The following SPATA6 variants were observed in gnomAD, a reference collection of about 807,000 sequenced individuals.
SPATA6 encodes spermatogenesis-associated protein 6.
SPATA6 carries 56 observed loss-of-function variants against 65.3 expected under a neutral mutation model. The observed-to-expected ratio is 0.86, with a 90% CI of 0.69 to 1.07. The LOEUF is 1.07. SPATA6 is among the 50% of genes least tolerant of loss of function. The probability of loss-of-function intolerance (pLI) is 0.00; values close to 1 mark genes in which losing one functional copy is unlikely to be tolerated. For synonymous variants in SPATA6, 199 were observed against 213.2 expected (o/e 0.93, Z 0.58); for missense variants, 590 against 594.8 (o/e 0.99, Z 0.08).
At chr1:48,262,703 G>A in the SPATA6 span, 4 of 152,070 alleles carry the variant, frequency 2.6e-5, no homozygotes, top group African/African-American at 4.8e-5. Context: ...CTTTAAAAAT[G>A]CAAGAATATT....
chr1:48,379,932 TCAC>T (rs775261716), intron 9 of SPATA6, among the ~76,000 whole-genome samples: 15 of 152,154 alleles, frequency 9.9e-5, no homozygotes, highest in Admixed American at 2.0e-4. Flanking sequence ...AAAATAAAAC[TCAC>T]CACAACAAAT....
intron 6 of SPATA6, among the ~76,000 whole-genome samples, chr1:48,401,392 A>G (rs1389438070): frequency 1.3e-5 from 2 of 152,136 alleles, no homozygotes; most frequent in Non-Finnish European, 2.9e-5. Context: ...ACTATCTACT[A>G]CAAATGCATG....
At chr1:48,363,951 C>A (rs954326693) in intron 9 of SPATA6, among the ~76,000 whole-genome samples, 2 of 152,096 alleles carry the variant, frequency 1.3e-5, no homozygotes, top group African/African-American at 4.8e-5. Context: ...TCCCTCCCCC[C>A]TTCCCCCACC....
In SPATA6 at chr1:48,298,769, T is replaced by C. The variant is rs374515413; in HGVS notation, c.1411A>G (p.Arg471Gly). 33 of 1,613,944 alleles carry C rather than the reference T, an allele frequency of 2.0e-5. No homozygotes were observed. The highest frequency in any genetic ancestry group is 4.5e-5 in the East Asian group (2 of 44,866). The change falls in exon 13 of 13, where the codon AGG becomes GGG. Residue 471 changes from arginine to glycine, a missense_variant. By Grantham distance (125) the Arg-to-Gly change is moderately radical. Transcript: ENST00000371847. The stretch of plus-strand genomic sequence containing the variant: ...CTACAGGCCTTTTTGTATAAGTTCC[T>C]GTACATCTTGTCCATGCTGTTCTCA... ...IFENSMDKMY[R>G]NLYKKACSSA... is the part of the protein sequence containing the mutation.
intron 11 of SPATA6, among the ~76,000 whole-genome samples, chr1:48,315,331 A>AG (rs1171331272): frequency 2.0e-5 from 3 of 152,038 alleles, no homozygotes; most frequent in Non-Finnish European, 4.4e-5. Flanking sequence ...CACATCAAAA[A>AG]CTTATCCATC....
intron 10 of SPATA6, among the ~76,000 whole-genome samples, chr1:48,357,112 T>C (rs1222541741): frequency 2.0e-5 from 3 of 152,178 alleles, no homozygotes; most frequent in African/African-American, 4.8e-5. Flanking sequence ...GAATGCTTGC[T>C]TGCCAGTCTA....
chr1:48,353,550 C>T (rs1318045588), intron 11 of SPATA6, among the ~76,000 whole-genome samples: 1 of 151,314 alleles, frequency 6.6e-6, no homozygotes, highest in African/African-American at 2.4e-5. Context: ...GCTGCTGTAG[C>T]TATACTAATA....
chr1:48,349,447 G>A (rs1044163276), intron 11 of SPATA6, among the ~76,000 whole-genome samples: 1 of 151,832 alleles, frequency 6.6e-6, no homozygotes, highest in Non-Finnish European at 1.5e-5. Flanking sequence ...TTTTAATATT[G>A]TCATATTCAT....
rs1376755533 is a variant in SPATA6 at position 48,333,792 on chromosome 1, C to CA, written c.1194+21877dup. On this transcript the variant is annotated intron_variant, in intron 11 of 12. Coordinates refer to ENST00000371847, the MANE Select transcript of SPATA6 (RefSeq NM_019073.4). ...GCAGAAAACAAAGAATAACCGAAAT[C>CA]AGAGCTGAACTGATGGAAACAGAGA... 4.6e-5 allele frequency among the ~76,000 whole-genome samples: 7 copies of CA among 152,072 alleles called. No homozygotes were observed. In the South Asian group the frequency reaches 1.2e-3, roughly 27 times the overall value.
At chr1:48,319,274 T>C (rs1645530407) in intron 11 of SPATA6, among the ~76,000 whole-genome samples, 1 of 152,126 alleles carries the variant, frequency 6.6e-6, no homozygotes, top group African/African-American at 2.4e-5. Flanking sequence ...TTCATCAAAA[T>C]TTTAAAAACT....
chr1:48,416,734 C>T (rs763357018), intron 3 of SPATA6, among the ~76,000 whole-genome samples: 5 of 152,048 alleles, frequency 3.3e-5, no homozygotes, highest in African/African-American at 4.8e-5. Context: ...AAACGACAGG[C>T]AATCTATTTC....
intron 9 of SPATA6, among the ~76,000 whole-genome samples, chr1:48,371,340 A>G (rs1647267887): frequency 6.6e-6 from 1 of 152,078 alleles, no homozygotes. Flanking sequence ...ATTTCAAGGG[A>G]ACTTCCTTAA....
the SPATA6 span, among the ~76,000 whole-genome samples, chr1:48,276,375 G>A: frequency 6.6e-6 from 1 of 151,868 alleles, no homozygotes; most frequent in African/African-American, 2.4e-5. Flanking sequence ...TCTTCTGCTA[G>A]CTTTTGAATT....
chr1:48,437,858 T>G (rs1218361979), intron 3 of SPATA6, among the ~76,000 whole-genome samples: 1 of 150,358 alleles, frequency 6.7e-6, no homozygotes, highest in Non-Finnish European at 1.5e-5. Flanking sequence ...CTTAAATTCA[T>G]GCACCCCGTG....
intron 8 of SPATA6, among the ~76,000 whole-genome samples, chr1:48,393,963 C>A (rs1472295671): frequency 2.0e-5 from 3 of 152,036 alleles, no homozygotes; most frequent in Admixed American, 6.6e-5. Context: ...GGGGCTAGGG[C>A]TTCAACATAT....
chr1:48,325,370 C>T (rs1645726133), intron 11 of SPATA6: 1 of 1,377,310 alleles, frequency 7.3e-7, no homozygotes, highest in South Asian at 1.2e-5. Context: ...TCTGCATGCG[C>T]CTTCTCCCTG....
intron 11 of SPATA6, among the ~76,000 whole-genome samples, chr1:48,315,883 T>C (rs1312710111): frequency 6.6e-6 from 1 of 152,056 alleles, no homozygotes; most frequent in African/African-American, 2.4e-5. Flanking sequence ...ACAAGGATTC[T>C]TATATACCAA....
At chr1:48,264,422 A>G in the SPATA6 span, among the ~76,000 whole-genome samples, 2 of 152,142 alleles carry the variant, frequency 1.3e-5, no homozygotes, top group Non-Finnish European at 2.9e-5. Flanking sequence ...CAGAACATGC[A>G]GGTTTGTTAC....
chr1:48,404,509 T>A (rs1651503136), intron 5 of SPATA6, among the ~76,000 whole-genome samples: 1 of 152,118 alleles, frequency 6.6e-6, no homozygotes, highest in South Asian at 2.1e-4. Context: ...ATTCAGCTAA[T>A]TTTTTCATTA....
Sources: gnomAD v4.1 joint callset for allele counts (sites outside exome capture counted in the v4.1 genomes callset) on GRCh38, gnomAD v4.1.1 for gene constraint, MANE v1.5 for transcripts, NCBI Gene and HGNC (gene_info 2026-07-23, HGNC 2026-07-21) for gene names.